Variants in ASTN2 observed in about 807,000 individuals in gnomAD.
The protein encoded by ASTN2 is astrotactin-2.
A neutral mutation model predicts 139.8 loss-of-function variants in ASTN2; 54 were observed. That is an observed-to-expected ratio of 0.39 (90% CI 0.31 to 0.48). The LOEUF (loss-of-function observed/expected upper bound fraction) is 0.48. ASTN2 is among the 20% of genes least tolerant of loss of function. The pLI is 0.95. For missense variants in ASTN2, 1,565 were observed against 1,725.1 expected, an observed-to-expected ratio of 0.91 and a Z score of 1.64; for synonymous variants, 756 against 719.5, an observed-to-expected ratio of 1.05 and a Z score of -0.81.
chr9:117,299,582 T>C (rs1313140986), intron 1 of ASTN2, among the ~76,000 whole-genome samples: 1 of 152,040 alleles, frequency 6.6e-6, no homozygotes, highest in Non-Finnish European at 1.5e-5. Context: ...AGGGATACAG[T>C]GGGGGGAACC....
intron 21 of ASTN2, among the ~76,000 whole-genome samples, chr9:116,441,310 C>T (rs936299645): frequency 3.4e-4 from 52 of 152,032 alleles, no homozygotes; most frequent in African/African-American, 1.2e-3. Flanking sequence ...GTTAGTCCTA[C>T]TAATCAAAGT....
chr9:117,234,478 C>A (rs1478796189), intron 2 of ASTN2, among the ~76,000 whole-genome samples: 1 of 152,190 alleles, frequency 6.6e-6, no homozygotes. Flanking sequence ...ACACACTCAT[C>A]TTTCTAAACT....
At chr9:117,169,002 C>T (rs1830730107) in intron 3 of ASTN2, among the ~76,000 whole-genome samples, 1 of 152,054 alleles carries the variant, frequency 6.6e-6, no homozygotes, top group Non-Finnish European at 1.5e-5. Flanking sequence ...GCCTCAATAT[C>T]CTCAGCTGTA....
intron 10 of ASTN2, among the ~76,000 whole-genome samples, chr9:116,953,049 C>A (rs1243595375): frequency 6.6e-6 from 1 of 152,146 alleles, no homozygotes; most frequent in Non-Finnish European, 1.5e-5. Flanking sequence ...GGAGGAGACT[C>A]CCAGTTCTCC....
At chr9:117,116,037 C>CATATATATATATATATATAT (rs113795526) in intron 4 of ASTN2, among the ~76,000 whole-genome samples, 8,611 of 138,990 alleles carry the variant, frequency 0.062, 416 homozygotes, top group Non-Finnish European at 0.091. Context: ...AAAAAAAATG[C>CATATATATATATATATATAT]ATATATATAT....
chr9:117,108,438 A>AACACACACACGC (rs1554779233), intron 4 of ASTN2, among the ~76,000 whole-genome samples: 51 of 145,346 alleles, frequency 3.5e-4, no homozygotes, highest in African/African-American at 1.3e-3. Flanking sequence ...AACAAAACAA[A>AACACACACACGC]ACACACACAC....
chr9:116,861,584 C>T (rs569232293), intron 11 of ASTN2, among the ~76,000 whole-genome samples: 121 of 152,288 alleles, frequency 7.9e-4, no homozygotes, highest in African/African-American at 2.9e-3. Context: ...CTCCTGTTGC[C>T]AGCACCCCAG....
chr9:117,233,320 A>C (rs1832951417), intron 2 of ASTN2, among the ~76,000 whole-genome samples: 1 of 152,218 alleles, frequency 6.6e-6, no homozygotes, highest in Non-Finnish European at 1.5e-5. Flanking sequence ...AGGAACTGGC[A>C]ACTTAATCCT....
intron 19 of ASTN2, among the ~76,000 whole-genome samples, chr9:116,578,621 T>G (rs555976036): frequency 5.7e-5 from 1 of 17,638 alleles, no homozygotes; most frequent in Non-Finnish European, 1.6e-4. Context: ...GGCTCCAACG[T>G]GTGTGTGTGT....
chr9:116,686,836 T>A, intron 16 of ASTN2: 2 of 1,550,186 alleles, frequency 1.3e-6, no homozygotes, highest in South Asian at 2.4e-5. Context: ...CAGCTCTCTG[T>A]CAGAGCACAG....
chr9:117,040,931 A>G (rs966051869), intron 5 of ASTN2, among the ~76,000 whole-genome samples: 1 of 152,196 alleles, frequency 6.6e-6, no homozygotes, highest in African/African-American at 2.4e-5. Context: ...ACACATACAG[A>G]GCAGAAGAAT....
intron 10 of ASTN2, among the ~76,000 whole-genome samples, chr9:116,959,452 C>T (rs1057109907): frequency 3.9e-5 from 6 of 152,034 alleles, no homozygotes; most frequent in African/African-American, 9.7e-5. Flanking sequence ...CAACAGCAAG[C>T]GGAGCAATGG....
chr9:116,761,734 A>C (rs1829677493), intron 13 of ASTN2, among the ~76,000 whole-genome samples: 1 of 152,172 alleles, frequency 6.6e-6, no homozygotes, highest in South Asian at 2.1e-4. Context: ...TGTGTCCACC[A>C]AGATAAAGAG....
At chr9:117,268,113 CT>C (rs1833978169) in intron 2 of ASTN2, among the ~76,000 whole-genome samples, 1 of 152,206 alleles carries the variant, frequency 6.6e-6, no homozygotes, top group African/African-American at 2.4e-5. Context: ...CCTGCCAAGT[CT>C]TTCCTGAATT....
At chr9:116,818,500 G>T (rs1831398812) in intron 12 of ASTN2, among the ~76,000 whole-genome samples, 1 of 151,560 alleles carries the variant, frequency 6.6e-6, no homozygotes, top group Admixed American at 6.6e-5. Flanking sequence ...TTTGTTTTTT[G>T]TTTTTTTTGT....
At chr9:116,778,966 C>T (rs1007503456) in intron 13 of ASTN2, among the ~76,000 whole-genome samples, 1 of 152,146 alleles carries the variant, frequency 6.6e-6, no homozygotes, top group Non-Finnish European at 1.5e-5. Flanking sequence ...TAGGTACAGT[C>T]AGAATGTAAT....
intron 10 of ASTN2, among the ~76,000 whole-genome samples, chr9:116,926,884 T>G (rs898785394): frequency 1.3e-5 from 2 of 152,106 alleles, no homozygotes; most frequent in African/African-American, 4.8e-5. Context: ...TGCATGCAAT[T>G]AAATATATAT....
chr9:117,057,566 C>A (rs1022620672), intron 5 of ASTN2, among the ~76,000 whole-genome samples: 6 of 152,160 alleles, frequency 3.9e-5, no homozygotes, highest in African/African-American at 1.4e-4. Context: ...TTATAGAAAT[C>A]TATGTATATA....
chr9:116,841,346 C>T lies in ASTN2; in HGVS notation c.2041-20563G>A, dbSNP rs976916747. ...GCAGCAGTACCGTCCAGCTTCGGCTCGGCATGAGAGGGAGACCGTGGAAAG... is the reference window on the plus strand; with the variant it reads ...GCAGCAGTACCGTCCAGCTTCGGCTTGGCATGAGAGGGAGACCGTGGAAAG... On this transcript the variant is annotated intron_variant, in intron 11 of 22. Transcript: ENST00000313400. 2.0e-5 allele frequency among the ~76,000 whole-genome samples: 3 copies of T among 152,146 alleles called. 1 individual carries two copies. Among genetic ancestry groups the T allele is most frequent in the South Asian group, 4.1e-4 (2 of 4,824 alleles).
Sources: gnomAD v4.1 joint callset for allele counts (sites outside exome capture counted in the v4.1 genomes callset) on GRCh38, gnomAD v4.1.1 for gene constraint, MANE v1.5 for transcripts, NCBI Gene and HGNC (gene_info 2026-07-23, HGNC 2026-07-21) for gene names.